AP1B1: variants seen among roughly 807,000 people sequenced by gnomAD.
AP1B1 encodes the protein adaptor related protein complex 1 subunit beta 1, also known as AP-1 complex subunit beta-1.
Under a neutral mutation model 104.3 loss-of-function variants are expected in AP1B1, and 36 were observed. The ratio of observed to expected loss-of-function variants is 0.35; its 90% confidence interval spans 0.26 to 0.46. The LOEUF is 0.46. AP1B1 is among the 20% of genes least tolerant of loss of function. The pLI is 1.00. For missense variants in AP1B1, 901 were observed against 1,247.9 expected (o/e 0.72, Z 4.19); for synonymous variants, 504 against 517.5 (o/e 0.97, Z 0.35).
In AP1B1 at chr22:29,359,830, A is replaced by G. The variant is rs2062016175; in HGVS notation, c.273T>C (p.Phe91=). Residue 91 remains phenylalanine (F), a synonymous_variant, in exon 4 of 23, where the codon TTT becomes TTC. Coordinates refer to ENST00000357586, the MANE Select transcript of AP1B1 (RefSeq NM_001127.4). ...PDMAIMAVNT[F]VKDCEDPNPL... ...CCACCAAGCGTCTGCTCACCTTCACAAAGGTGTTGACGGCCATAATGGCCA... is the reference window on the plus strand; with the variant it reads ...CCACCAAGCGTCTGCTCACCTTCACGAAGGTGTTGACGGCCATAATGGCCA... 2 of 1,613,366 alleles carry G rather than the reference A, an allele frequency of 1.2e-6. No individual in the cohort carries two copies. The highest frequency in any genetic ancestry group is 1.7e-6 in the Non-Finnish European group (2 of 1,179,590).
chr22:29,375,126 G>A (rs1457441767), intron 1 of AP1B1, among the ~76,000 whole-genome samples: 2 of 152,138 alleles, frequency 1.3e-5, no homozygotes, highest in Admixed American at 1.3e-4. Flanking sequence ...CGAGGCAGGT[G>A]GATCACAAGG....
At position 29,339,914 on chromosome 22, in the gene AP1B1, T is replaced by C. The variant is rs566632012; in HGVS notation, c.1999-140A>G. On this transcript the variant is annotated intron_variant, in intron 14 of 22. Coordinates refer to ENST00000357586, the MANE Select transcript of AP1B1 (RefSeq NM_001127.4). The stretch of plus-strand genomic sequence containing the variant: ...GTAGCTCCATCCGAGAGGAGTGTGG[T>C]GTGAGGTCTGGCGAGAGGCCCAGAC... 2.9e-5 allele frequency: 28 copies of C among 960,492 alleles called. No individual in the cohort carries two copies. In the East Asian group the frequency reaches 7.1e-4, roughly 24 times the overall value. The allele number at this position is 960,492 out of a possible 1,614,324, so 59.5% of individuals were successfully genotyped here. A position where few individuals can be genotyped will look rare whatever the true frequency, so the allele number is the denominator to read the frequency against.
At chr22:29,345,077 G>C (rs2147966157) in intron 11 of AP1B1, among the ~76,000 whole-genome samples, 1 of 151,800 alleles carries the variant, frequency 6.6e-6, no homozygotes, top group South Asian at 2.1e-4. Flanking sequence ...CTTTTTTTTT[G>C]AGACAAGGTC....
intron 1 of AP1B1, among the ~76,000 whole-genome samples, chr22:29,385,529 C>T (rs900295995): frequency 2.6e-5 from 4 of 152,142 alleles, no homozygotes; most frequent in Non-Finnish European, 5.9e-5. Flanking sequence ...GAATGCCATG[C>T]TAAGGAATGT....
chr22:29,371,420 G>C (rs1156381970), intron 1 of AP1B1, among the ~76,000 whole-genome samples: 1 of 152,166 alleles, frequency 6.6e-6, no homozygotes, highest in Non-Finnish European at 1.5e-5. Flanking sequence ...ATCTGATCGG[G>C]TACACGAATC....
chr22:29,371,248 C>T (rs964884604), intron 1 of AP1B1, among the ~76,000 whole-genome samples: 14 of 152,214 alleles, frequency 9.2e-5, no homozygotes, highest in Non-Finnish European at 1.9e-4. Context: ...TCATTCTCTC[C>T]GCAGGAATGG....
intron 1 of AP1B1, among the ~76,000 whole-genome samples, chr22:29,368,208 G>A (rs910636993): frequency 6.6e-6 from 1 of 152,020 alleles, no homozygotes; most frequent in African/African-American, 2.4e-5. Context: ...TGAGGCAGGA[G>A]AATCACTGGA....
At chr22:29,344,306 T>C (rs1174928495) in intron 11 of AP1B1, among the ~76,000 whole-genome samples, 1 of 151,984 alleles carries the variant, frequency 6.6e-6, no homozygotes, top group Non-Finnish European at 1.5e-5. Flanking sequence ...TGCCTCAGGC[T>C]GTATTGCCAG....
At chr22:29,333,512 A>G (rs1396668292) in intron 17 of AP1B1, among the ~76,000 whole-genome samples, 1 of 152,164 alleles carries the variant, frequency 6.6e-6, no homozygotes, top group Non-Finnish European at 1.5e-5. Flanking sequence ...CAGCTGGAGC[A>G]GGGCGTTTCT....
chr22:29,345,993 A>G (rs1201398956), intron 11 of AP1B1, among the ~76,000 whole-genome samples: 1 of 152,216 alleles, frequency 6.6e-6, no homozygotes, highest in Non-Finnish European at 1.5e-5. Flanking sequence ...CCTAACAAGT[A>G]TTCTTAAAAG....
intron 1 of AP1B1, among the ~76,000 whole-genome samples, chr22:29,378,775 T>C (rs528880823): frequency 1.1e-3 from 158 of 144,992 alleles, no homozygotes; most frequent in South Asian, 4.1e-3. Context: ...AGGAGAATGG[T>C]GTGAACTCAG....
At chr22:29,362,882 C>T in intron 3 of AP1B1, 119 bp downstream of exon 3, 1 of 672,434 alleles carries the variant, frequency 1.5e-6, no homozygotes, top group Non-Finnish European at 2.7e-6. Context: ...ATGAAGGGAG[C>T]TGTATGAGGG....
chr22:29,333,719 A>G (rs2061595251), intron 17 of AP1B1, among the ~76,000 whole-genome samples: 1 of 152,024 alleles, frequency 6.6e-6, no homozygotes, highest in Admixed American at 6.6e-5. Flanking sequence ...GTCCTTTCCC[A>G]CTCTGCCTGG....
chr22:29,355,530 C>A (rs2061943353), intron 6 of AP1B1, among the ~76,000 whole-genome samples: 1 of 152,088 alleles, frequency 6.6e-6, no homozygotes, highest in Admixed American at 6.6e-5. Context: ...TGCTTGATAA[C>A]CCCTAGCAGG....
intron 12 of AP1B1, among the ~76,000 whole-genome samples, chr22:29,341,999 G>T (rs758315535): frequency 7.9e-5 from 12 of 152,244 alleles, no homozygotes; most frequent in Non-Finnish European, 1.8e-4. Context: ...ACCGCCCTCT[G>T]TGGCCTGCCC....
At chr22:29,337,440 G>A (rs1246071910) in intron 16 of AP1B1, among the ~76,000 whole-genome samples, 2 of 152,210 alleles carry the variant, frequency 1.3e-5, no homozygotes, top group Admixed American at 1.3e-4. Context: ...CACTGCAGGT[G>A]CAGCTGGCAT....
At chr22:29,373,979 C>T (rs2062289817) in intron 1 of AP1B1, among the ~76,000 whole-genome samples, 1 of 149,602 alleles carries the variant, frequency 6.7e-6, no homozygotes, top group African/African-American at 2.5e-5. Context: ...GGGTGGATCA[C>T]CTGAGGTCAG....
At chr22:29,382,182 T>C (rs1284799053) in intron 1 of AP1B1, among the ~76,000 whole-genome samples, 1 of 152,010 alleles carries the variant, frequency 6.6e-6, no homozygotes, top group Non-Finnish European at 1.5e-5. Context: ...GCCTCCTGAG[T>C]AGCTGGGACT....
intron 1 of AP1B1, among the ~76,000 whole-genome samples, chr22:29,381,488 T>C (rs1302787055): frequency 1.3e-5 from 2 of 152,176 alleles, no homozygotes; most frequent in African/African-American, 2.4e-5. Flanking sequence ...AATTTCATGT[T>C]TTGTAAACCA....
Sources: allele counts gnomAD v4.1 joint callset (sites outside exome capture counted in the v4.1 genomes callset), GRCh38; gene constraint gnomAD v4.1.1; transcripts MANE v1.5; gene names NCBI Gene and HGNC (gene_info 2026-07-23, HGNC 2026-07-21).